Variants in KIDINS220 observed in about 807,000 individuals in gnomAD.
The protein encoded by KIDINS220 is kinase D interacting substrate 220, also known as kinase D-interacting substrate of 220 kDa.
A neutral mutation model predicts 157.6 loss-of-function variants in KIDINS220; 63 were observed. That is an observed-to-expected ratio of 0.40 (90% CI 0.33 to 0.49). KIDINS220 has a LOEUF of 0.49. Ranked by LOEUF, KIDINS220 falls within the 20% of genes least tolerant of loss-of-function variation. KIDINS220 has a pLI of 0.66. For synonymous variants in KIDINS220, 732 were observed against 783.6 expected (o/e 0.93, Z 1.10); for missense variants, 1,772 against 2,171.2 (o/e 0.82, Z 3.65).
In KIDINS220 at chr2:8,730,822, T is replaced by C. The variant is rs757977270; in HGVS notation, c.5214A>G (p.Gln1738=). ...NLKSMTHKRS[Q]RSSYTRLSKD... ...TGGAGAGCCTTGTGTAACTTGAACGTTGGCTTCGCTTATGTGTCATGCTTT... is the reference window on the plus strand; with the variant it reads ...TGGAGAGCCTTGTGTAACTTGAACGCTGGCTTCGCTTATGTGTCATGCTTT... The change falls in exon 30 of 30, where the codon CAA becomes CAG. Residue 1738 remains glutamine, a synonymous_variant. Coordinates refer to ENST00000256707, the MANE Select transcript of KIDINS220 (RefSeq NM_020738.4). The C allele has an allele frequency of 3.1e-6, 5 of 1,614,246 alleles. No homozygotes were observed. The highest frequency in any genetic ancestry group is 3.3e-5 in the Admixed American group (2 of 60,034).
At chr2:8,822,940 C>CACAG (rs1174551037) in intron 2 of KIDINS220, among the ~76,000 whole-genome samples, 2 of 152,072 alleles carry the variant, frequency 1.3e-5, no homozygotes, top group African/African-American at 4.8e-5. Flanking sequence ...TGCTAATAAG[C>CACAG]ACAGTATCAG....
intron 1 of KIDINS220, among the ~76,000 whole-genome samples, chr2:8,831,219 A>C (rs1022311939): frequency 6.6e-6 from 1 of 152,220 alleles, no homozygotes; most frequent in Non-Finnish European, 1.5e-5. Flanking sequence ...GTGAAAACTC[A>C]GTAAGTTCAA....
At chr2:8,792,059 T>C (rs1194565612) in intron 12 of KIDINS220, among the ~76,000 whole-genome samples, 3 of 152,056 alleles carry the variant, frequency 2.0e-5, no homozygotes, top group Admixed American at 1.3e-4. Context: ...TAATCATTCA[T>C]GAAAAAATTA....
intron 26 of KIDINS220, chr2:8,746,921 AT>A (rs1366642536): frequency 4.6e-5 from 22 of 481,710 alleles, no homozygotes; most frequent in Admixed American, 1.1e-4. Flanking sequence ...CATCCCATGT[AT>A]TGAAAAAGGG....
intron 1 of KIDINS220, among the ~76,000 whole-genome samples, chr2:8,828,979 C>T (rs1221813388): frequency 6.6e-6 from 1 of 152,156 alleles, no homozygotes; most frequent in East Asian, 1.9e-4. Flanking sequence ...TGGGTTGATG[C>T]TGAAATGAAC....
In KIDINS220 at chr2:8,806,258, A is replaced by G. The variant is rs772600343; in HGVS notation, c.603+13T>C. On this transcript the variant is annotated intron_variant, in intron 7 of 29. Transcript: ENST00000256707. ...TGTTTCTATTGCCAAGCATTAAAATATAAGATACTTACAGCTCCTTCTTGA... is the reference window on the plus strand; with the variant it reads ...TGTTTCTATTGCCAAGCATTAAAATGTAAGATACTTACAGCTCCTTCTTGA... The G allele has an allele frequency of 9.0e-6, 14 of 1,556,858 alleles. No individual in the cohort carries two copies. In the East Asian group the frequency reaches 2.2e-4, roughly 25 times the overall value.
intron 21 of KIDINS220, among the ~76,000 whole-genome samples, chr2:8,776,527 A>G (rs1265241841): frequency 6.6e-6 from 1 of 152,196 alleles, no homozygotes; most frequent in Non-Finnish European, 1.5e-5. Context: ...TTAAATAATA[A>G]AGTTTTAAAA....
intron 1 of KIDINS220, among the ~76,000 whole-genome samples, chr2:8,833,460 T>C (rs937936407): frequency 4.7e-5 from 7 of 148,414 alleles, no homozygotes; most frequent in African/African-American, 1.7e-4. Flanking sequence ...ATTTACATAT[T>C]TATGTTTTTT....
intron 12 of KIDINS220, among the ~76,000 whole-genome samples, chr2:8,791,577 T>C (rs1245050320): frequency 6.6e-6 from 1 of 152,180 alleles, no homozygotes; most frequent in East Asian, 1.9e-4. Context: ...TTCTTGTCCA[T>C]CACTTACAAG....
chr2:8,833,455 C>G (rs901846319), intron 1 of KIDINS220, among the ~76,000 whole-genome samples: 1 of 146,392 alleles, frequency 6.8e-6, no homozygotes. Flanking sequence ...TTGTAATTTA[C>G]ATATTTATGT....
At chr2:8,825,207 A>G (rs931061050) in intron 2 of KIDINS220, among the ~76,000 whole-genome samples, 2 of 151,918 alleles carry the variant, frequency 1.3e-5, no homozygotes, top group African/African-American at 4.8e-5. Flanking sequence ...CCCCATCTCT[A>G]CTAAAAATAT....
At chr2:8,755,727 T>G (rs989930346) in intron 22 of KIDINS220, among the ~76,000 whole-genome samples, 2 of 152,252 alleles carry the variant, frequency 1.3e-5, no homozygotes, top group African/African-American at 4.8e-5. Context: ...CCCCACTTGT[T>G]GAAGAGTCTG....
chr2:8,762,612 G>A (rs1016334101), intron 22 of KIDINS220, among the ~76,000 whole-genome samples: 4 of 152,004 alleles, frequency 2.6e-5, no homozygotes, highest in East Asian at 1.9e-4. Flanking sequence ...GGTGGTGGGC[G>A]CCTGTAGTCC....
chr2:8,780,037 T>C (rs908088220), intron 17 of KIDINS220, among the ~76,000 whole-genome samples: 2 of 152,202 alleles, frequency 1.3e-5, no homozygotes, highest in African/African-American at 2.4e-5. Context: ...CACTGTGGGA[T>C]AGACACTACC....
chr2:8,757,931 C>A, intron 22 of KIDINS220: 1 of 688,412 alleles, frequency 1.5e-6, no homozygotes, highest in Non-Finnish European at 2.5e-6. Flanking sequence ...GGTGCAATCT[C>A]GGCTCACTGC....
chr2:8,826,332 G>A (rs1242901555), intron 2 of KIDINS220, among the ~76,000 whole-genome samples: 1 of 152,178 alleles, frequency 6.6e-6, no homozygotes, highest in Non-Finnish European at 1.5e-5. Context: ...TTTCAGGCAG[G>A]GCGGGGTGGC....
chr2:8,750,058 T>C (rs1454355209), intron 24 of KIDINS220, 54 bp downstream of exon 24: 6 of 1,480,512 alleles, frequency 4.1e-6, no homozygotes, highest in Non-Finnish European at 3.7e-6. Flanking sequence ...AGCAGAAAAC[T>C]GAGGTTTCCC....
chr2:8,792,412 TA>T (rs1316427232), intron 12 of KIDINS220, among the ~76,000 whole-genome samples: 12 of 152,070 alleles, frequency 7.9e-5, no homozygotes, highest in Non-Finnish European at 1.5e-4. Flanking sequence ...TTTAAAATAT[TA>T]AAAACTAAAA....
chr2:8,740,732 C>T (rs970755896), intron 26 of KIDINS220, among the ~76,000 whole-genome samples: 15 of 152,164 alleles, frequency 9.9e-5, no homozygotes, highest in African/African-American at 3.4e-4. Flanking sequence ...GCTTCTAGCT[C>T]GAGAAACAGA....
Sources: gnomAD v4.1 joint callset for allele counts (sites outside exome capture counted in the v4.1 genomes callset) on GRCh38, gnomAD v4.1.1 for gene constraint, MANE v1.5 for transcripts, NCBI Gene and HGNC (gene_info 2026-07-23, HGNC 2026-07-21) for gene names.